Variants in NCALD observed in about 807,000 individuals in gnomAD.
NCALD encodes neurocalcin-delta.
A neutral mutation model predicts 18.6 loss-of-function variants in NCALD; 10 were observed. The ratio of observed to expected loss-of-function variants is 0.54; its 90% CI spans 0.33 to 0.91. NCALD has a LOEUF of 0.91. Ranked by LOEUF, NCALD falls within the 40% of genes least tolerant of loss-of-function variation. The probability of loss-of-function intolerance (pLI) is 0.03; values close to 1 mark genes in which losing one functional copy is unlikely to be tolerated. For synonymous variants in NCALD, 88 were observed against 87.4 expected, an observed-to-expected ratio of 1.01 and a Z score of -0.04; for missense variants, 184 against 247.6, an observed-to-expected ratio of 0.74 and a Z score of 1.72.
At chr8:101,980,795 G>A (rs891116606) in intron 2 of NCALD, among the ~76,000 whole-genome samples, 7 of 152,192 alleles carry the variant, frequency 4.6e-5, no homozygotes, top group African/African-American at 1.7e-4. Flanking sequence ...GTCACTGGCG[G>A]TATTCATGTA....
chr8:102,027,039 C>T (rs1466095253), intron 1 of NCALD, among the ~76,000 whole-genome samples: 1 of 152,246 alleles, frequency 6.6e-6, no homozygotes, highest in Admixed American at 6.5e-5. Context: ...TGTCCCAAGG[C>T]TGCACAGGGC....
intron 1 of NCALD, among the ~76,000 whole-genome samples, chr8:101,744,950 A>G (rs1045239996): frequency 3.3e-5 from 5 of 151,214 alleles, no homozygotes; most frequent in Admixed American, 3.3e-4. Context: ...TATGGTGAGG[A>G]AAGACTGCTG....
intron 4 of NCALD, among the ~76,000 whole-genome samples, chr8:101,838,654 T>A (rs1447543278): frequency 2.6e-5 from 4 of 152,258 alleles, no homozygotes; most frequent in Non-Finnish European, 5.9e-5. Context: ...TAAACCTGCA[T>A]TCAATCATTG....
chr8:102,038,894 G>A (rs1822960237), intron 1 of NCALD, among the ~76,000 whole-genome samples: 1 of 152,078 alleles, frequency 6.6e-6, no homozygotes, highest in African/African-American at 2.4e-5. Flanking sequence ...AACTAGAGAG[G>A]GATCAGAAGT....
intron 2 of NCALD, among the ~76,000 whole-genome samples, chr8:101,931,028 A>C (rs1818552673): frequency 6.6e-6 from 1 of 152,212 alleles, no homozygotes; most frequent in Admixed American, 6.5e-5. Context: ...CCATATAAGC[A>C]GAGGCGAAAG....
intron 4 of NCALD, among the ~76,000 whole-genome samples, chr8:101,874,170 GT>G (rs1277392511): frequency 1.3e-5 from 2 of 152,196 alleles, no homozygotes; most frequent in Non-Finnish European, 2.9e-5. Context: ...GTAACTTGGG[GT>G]GGGGGAGATT....
intron 4 of NCALD, among the ~76,000 whole-genome samples, chr8:101,830,181 C>A (rs1348764923): frequency 6.6e-6 from 1 of 152,028 alleles, no homozygotes; most frequent in Non-Finnish European, 1.5e-5. Context: ...TGTTAATATC[C>A]TTGGGCTTAT....
chr8:101,948,426 A>G (rs879794438), intron 2 of NCALD, among the ~76,000 whole-genome samples: 3 of 152,184 alleles, frequency 2.0e-5, no homozygotes, highest in Non-Finnish European at 4.4e-5. Context: ...AATCAGGAGT[A>G]AAACTTTAGA....
chr8:101,774,928 A>G (rs951601989), intron 1 of NCALD, among the ~76,000 whole-genome samples: 1 of 152,200 alleles, frequency 6.6e-6, no homozygotes, highest in Non-Finnish European at 1.5e-5. Flanking sequence ...CCAGATATCC[A>G]GGTCTGACAG....
chr8:101,848,190 A>G (rs940774766), intron 4 of NCALD, among the ~76,000 whole-genome samples: 4 of 152,156 alleles, frequency 2.6e-5, no homozygotes, highest in African/African-American at 9.7e-5. Flanking sequence ...TTCTGGTTCA[A>G]TAAGTTGTAG....
chr8:101,777,071 T>C (rs1811823769), intron 1 of NCALD, among the ~76,000 whole-genome samples: 1 of 152,148 alleles, frequency 6.6e-6, no homozygotes. Flanking sequence ...CCTTCATCCA[T>C]ACTGCTCCTT....
intron 2 of NCALD, among the ~76,000 whole-genome samples, chr8:101,935,697 G>A (rs1216677427): frequency 6.6e-6 from 1 of 151,750 alleles, no homozygotes; most frequent in Non-Finnish European, 1.5e-5. Flanking sequence ...AGTGGGGAGA[G>A]GAAGTGGATA....
At chr8:101,798,927 T>A (rs9649918) in intron 4 of NCALD, among the ~76,000 whole-genome samples, 29 of 152,180 alleles carry the variant, frequency 1.9e-4, no homozygotes, top group Non-Finnish European at 4.0e-4. Context: ...TTTCAACATA[T>A]GGTACTGGAA....
At position 102,097,208 on chromosome 8, in the gene NCALD, G is replaced by A. The variant is rs139910079; in HGVS notation, c.-210+27029C>T. On this transcript the variant is annotated intron_variant, in intron 1 of 6. Coordinates refer to the NCALD transcript ENST00000311028. ...CACAGCCTAAACATTTTTAAAAAGT[G>A]AGACTAACAGTTAGGAACCACAGAG... Among the ~76,000 whole-genome samples the A allele has an allele frequency of 6.6e-5, 10 of 152,214 alleles. No individual in the cohort carries two copies. The East Asian group carries it at 1.4e-3, about 21-fold the overall frequency.
intron 4 of NCALD, among the ~76,000 whole-genome samples, chr8:101,820,754 C>T (rs1182085289): frequency 6.6e-6 from 1 of 152,200 alleles, no homozygotes; most frequent in Non-Finnish European, 1.5e-5. Flanking sequence ...TAAACCGAAG[C>T]TACAAATGCC....
At chr8:101,868,824 C>T (rs556834425) in intron 4 of NCALD, among the ~76,000 whole-genome samples, 10 of 152,338 alleles carry the variant, frequency 6.6e-5, no homozygotes, top group South Asian at 2.1e-4. Context: ...CTGCATGGCC[C>T]GCTCCCACTC....
intron 4 of NCALD, among the ~76,000 whole-genome samples, chr8:101,861,235 A>G (rs575583464): frequency 6.6e-6 from 1 of 152,066 alleles, no homozygotes; most frequent in Non-Finnish European, 1.5e-5. Context: ...TAATATGGGC[A>G]ACTTTGTTCC....
chr8:102,067,936 CA>C (rs1277874779), intron 1 of NCALD, among the ~76,000 whole-genome samples: 14 of 152,182 alleles, frequency 9.2e-5, no homozygotes, highest in Non-Finnish European at 2.1e-4. Context: ...ACTCTTTTCT[CA>C]CAGGCTCCCC....
chr8:101,868,532 T>C (rs1220799009), intron 4 of NCALD, among the ~76,000 whole-genome samples: 3 of 152,182 alleles, frequency 2.0e-5, no homozygotes, highest in African/African-American at 4.8e-5. Context: ...GCCTGGCAGA[T>C]GGAAAGTTGA....
Sources: allele counts gnomAD v4.1 joint callset (sites outside exome capture counted in the v4.1 genomes callset), GRCh38; gene constraint gnomAD v4.1.1; transcripts MANE v1.5; gene names NCBI Gene and HGNC (gene_info 2026-07-23, HGNC 2026-07-21).